The following FRMD4A variants were observed in gnomAD, a reference collection of about 807,000 sequenced individuals.
The protein encoded by FRMD4A is FERM domain containing 4A.
Under a neutral mutation model 129.1 loss-of-function variants are expected in FRMD4A, and 29 were observed. That is an observed-to-expected ratio of 0.22 (90% CI 0.17 to 0.31). FRMD4A has a LOEUF of 0.31. FRMD4A is among the 10% of genes least tolerant of loss of function. The pLI is 1.00. For missense variants in FRMD4A, 1,272 were observed against 1,375.8 expected (o/e 0.92, Z 1.19); for synonymous variants, 634 against 571.6 (o/e 1.11, Z -1.56).
At chr10:13,858,807 T>C in intron 3 of FRMD4A, 40 bp downstream of exon 3, 1 of 1,172,648 alleles carries the variant, frequency 8.5e-7, no homozygotes. Flanking sequence ...ACCACATCAG[T>C]CACCAAAGAA....
chr10:13,995,475 C>T (rs1217313052), intron 2 of FRMD4A, among the ~76,000 whole-genome samples: 2 of 152,200 alleles, frequency 1.3e-5, no homozygotes, highest in African/African-American at 2.4e-5. Context: ...ATCCCAGCTG[C>T]TTGGGAGGCT....
intron 2 of FRMD4A, among the ~76,000 whole-genome samples, chr10:14,318,248 A>G (rs150058380): frequency 3.7e-4 from 57 of 152,036 alleles, no homozygotes; most frequent in African/African-American, 1.3e-3. Flanking sequence ...AGCCATGTTC[A>G]TTATGGCTCA....
intron 2 of FRMD4A, among the ~76,000 whole-genome samples, chr10:14,070,199 T>C (rs1835254086): frequency 6.6e-6 from 1 of 152,186 alleles, no homozygotes; most frequent in Non-Finnish European, 1.5e-5. Flanking sequence ...GGAAGCCTCC[T>C]CATTTGGGAC....
At chr10:14,007,192 G>C (rs2095665155) in intron 2 of FRMD4A, 5 of 152,074 alleles carry the variant, frequency 3.3e-5, no homozygotes, top group Admixed American at 3.3e-4. Context: ...ATTAGGTCTT[G>C]GACTACACCT....
chr10:13,811,015 C>G (rs1035560501), intron 3 of FRMD4A, 107 bp from the exon 4 acceptor site: 1 of 606,316 alleles, frequency 1.6e-6, no homozygotes, highest in Admixed American at 2.9e-5. Context: ...TCACAAAGCT[C>G]AAGTATTTTG....
intron 2 of FRMD4A, among the ~76,000 whole-genome samples, chr10:14,020,937 G>C (rs895241747): frequency 6.6e-6 from 1 of 152,168 alleles, no homozygotes; most frequent in African/African-American, 2.4e-5. Context: ...GGCAAGGCAA[G>C]GGATGAAGAG....
intron 2 of FRMD4A, among the ~76,000 whole-genome samples, chr10:13,905,164 T>G (rs962369652): frequency 6.6e-6 from 1 of 152,048 alleles, no homozygotes; most frequent in Non-Finnish European, 1.5e-5. Flanking sequence ...AAAGCCCACT[T>G]TTTTGGGGAT....
chr10:13,778,825 T>A (rs1387633224), intron 6 of FRMD4A, among the ~76,000 whole-genome samples: 1 of 152,100 alleles, frequency 6.6e-6, no homozygotes, highest in Non-Finnish European at 1.5e-5. Context: ...TCATCTTCAT[T>A]CACTGGGAAA....
chr10:14,257,388 T>A (rs1206274953), intron 2 of FRMD4A, among the ~76,000 whole-genome samples: 1 of 152,030 alleles, frequency 6.6e-6, no homozygotes, highest in Non-Finnish European at 1.5e-5. Flanking sequence ...TAAACTGATC[T>A]CAGTATGAAC....
intron 22 of FRMD4A, chr10:13,654,801 G>T: frequency 2.1e-6 from 1 of 468,778 alleles, no homozygotes; most frequent in South Asian, 3.9e-5. Flanking sequence ...TCCCCGCTTT[G>T]CCACCAGGAG....
At chr10:14,111,671 C>A (rs1837908487) in intron 2 of FRMD4A, among the ~76,000 whole-genome samples, 1 of 151,966 alleles carries the variant, frequency 6.6e-6, no homozygotes, top group Admixed American at 6.6e-5. Context: ...CTACTATGGG[C>A]AATGCATTAC....
intron 2 of FRMD4A, among the ~76,000 whole-genome samples, chr10:13,887,129 A>T (rs1227700002): frequency 1.3e-5 from 2 of 152,208 alleles, no homozygotes; most frequent in Non-Finnish European, 2.9e-5. Flanking sequence ...TAGAGCCTAC[A>T]AGGAACTTCT....
chr10:14,200,028 G>GTT (rs11293134), intron 2 of FRMD4A, among the ~76,000 whole-genome samples: 1 of 130,464 alleles, frequency 7.7e-6, no homozygotes, highest in South Asian at 2.4e-4. Flanking sequence ...AATTTGTTTT[G>GTT]TTTTTTTTTT....
intron 2 of FRMD4A, among the ~76,000 whole-genome samples, chr10:14,308,398 ATTAT>A (rs1329434395): frequency 1.3e-5 from 2 of 151,320 alleles, no homozygotes; most frequent in African/African-American, 4.8e-5. Context: ...CCAATTTATT[ATTAT>A]TTTTTTTTCT....
chr10:14,057,990 A>G (rs1465025368), intron 2 of FRMD4A, among the ~76,000 whole-genome samples: 1 of 152,258 alleles, frequency 6.6e-6, no homozygotes. Context: ...ATAAAAAGAG[A>G]GCTCTGGTCA....
chr10:13,703,788 C>T (rs776048249), intron 13 of FRMD4A, among the ~76,000 whole-genome samples: 12 of 152,140 alleles, frequency 7.9e-5, no homozygotes, highest in Non-Finnish European at 1.6e-4. Context: ...GGGTGGATCA[C>T]GAGGTCAAGA....
intron 2 of FRMD4A, among the ~76,000 whole-genome samples, chr10:14,223,261 T>G: frequency 6.6e-6 from 1 of 152,160 alleles, no homozygotes; most frequent in East Asian, 1.9e-4. Context: ...CCACCTTTTC[T>G]CCATTGGGAC....
At chr10:14,165,826 G>T (rs1457322948) in intron 2 of FRMD4A, among the ~76,000 whole-genome samples, 1 of 152,146 alleles carries the variant, frequency 6.6e-6, no homozygotes, top group Non-Finnish European at 1.5e-5. Flanking sequence ...ACATAAAGAT[G>T]GGTACAGTAG....
At chr10:14,058,009 T>C (rs561158787) in intron 2 of FRMD4A, among the ~76,000 whole-genome samples, 2 of 152,354 alleles carry the variant, frequency 1.3e-5, no homozygotes, top group South Asian at 2.1e-4. Context: ...CAGGAAGTAA[T>C]ATATAGTTAC....
Sources: gnomAD v4.1 joint callset for allele counts (sites outside exome capture counted in the v4.1 genomes callset) on GRCh38, gnomAD v4.1.1 for gene constraint, MANE v1.5 for transcripts, NCBI Gene and HGNC (gene_info 2026-07-23, HGNC 2026-07-21) for gene names.